The following CSMD1 variants were observed in gnomAD, a reference collection of about 807,000 sequenced individuals.
CSMD1 encodes the protein CUB and Sushi multiple domains 1, also known as CUB and sushi domain-containing protein 1.
Under a neutral mutation model 417.5 loss-of-function variants are expected in CSMD1, and 213 were observed. That is an observed-to-expected ratio of 0.51 (90% CI 0.46 to 0.57). The LOEUF (loss-of-function observed/expected upper bound fraction) is 0.57, where lower values mean the gene tolerates loss of function less well. Ranked by LOEUF, CSMD1 falls within the 20% of genes least tolerant of loss-of-function variation. The pLI, the probability that CSMD1 is intolerant of heterozygous loss-of-function variation, is 0.00. For synonymous variants in CSMD1, 2,862 were observed against 1,736.8 expected (o/e 1.65, Z -16.11); for missense variants, 6,923 against 4,529.7 (o/e 1.53, Z -15.17).
At chr8:4,198,709 G>GT (rs1392387543) in intron 3 of CSMD1, among the ~76,000 whole-genome samples, 1 of 152,066 alleles carries the variant, frequency 6.6e-6, no homozygotes, top group Non-Finnish European at 1.5e-5. Context: ...GATACTAAGT[G>GT]TATTTTAATA....
intron 1 of CSMD1, among the ~76,000 whole-genome samples, chr8:4,724,594 G>C (rs1007002145): frequency 6.6e-6 from 1 of 150,684 alleles, no homozygotes; most frequent in Non-Finnish European, 1.5e-5. Flanking sequence ...TGTTGAAGAA[G>C]AATTGACATA....
chr8:4,741,309 T>G (rs1420031002), intron 1 of CSMD1, among the ~76,000 whole-genome samples: 2 of 152,224 alleles, frequency 1.3e-5, no homozygotes, highest in African/African-American at 4.8e-5. Flanking sequence ...TACTGCATTT[T>G]AAAAACAGGG....
intron 27 of CSMD1, among the ~76,000 whole-genome samples, chr8:3,226,936 G>GA (rs71530613): frequency 6.9e-4 from 102 of 148,530 alleles, no homozygotes; most frequent in African/African-American, 5.2e-4. Context: ...ATAAGCATAT[G>GA]AAAAAAAAAA....
chr8:3,972,360 T>G (rs891691677), intron 5 of CSMD1, among the ~76,000 whole-genome samples: 3 of 152,360 alleles, frequency 2.0e-5, no homozygotes, highest in Admixed American at 2.0e-4. Flanking sequence ...CATTTAATTT[T>G]TGCTAAAGCT....
intron 3 of CSMD1, among the ~76,000 whole-genome samples, chr8:4,183,455 C>G (rs138446812): frequency 1.6e-4 from 25 of 152,300 alleles, no homozygotes; most frequent in African/African-American, 5.8e-4. Flanking sequence ...TTTAGCCCCT[C>G]AATGACATGT....
At chr8:4,738,491 T>C (rs887233953) in intron 1 of CSMD1, among the ~76,000 whole-genome samples, 2 of 152,092 alleles carry the variant, frequency 1.3e-5, no homozygotes, top group Non-Finnish European at 2.9e-5. Flanking sequence ...GAGAACAGGA[T>C]GGGGAAAATC....
intron 1 of CSMD1, among the ~76,000 whole-genome samples, chr8:4,782,173 AAG>A (rs1797183785): frequency 6.6e-6 from 1 of 152,184 alleles, no homozygotes; most frequent in Admixed American, 6.5e-5. Flanking sequence ...GTTAGGAAGA[AAG>A]AGTTCTGCTG....
chr8:3,717,426 CTTTT>C (rs200563342), intron 6 of CSMD1, among the ~76,000 whole-genome samples: 1 of 130,192 alleles, frequency 7.7e-6, no homozygotes, highest in East Asian at 2.6e-4. Flanking sequence ...CCATGAAATG[CTTTT>C]TTTATCATTT....
rs556019547 is a variant in CSMD1 at position 3,522,899 on chromosome 8, T to G, written c.1345-29173A>C. Among the ~76,000 whole-genome samples the G allele has an allele frequency of 3.3e-5, 5 of 149,984 alleles. No homozygotes were observed. In the South Asian group the frequency reaches 1.0e-3, roughly 31 times the overall value. On this transcript the variant is annotated intron_variant, in intron 10 of 69. Transcript: ENST00000635120. ...ATTAAATATTACCTTTCAATATATT[T>G]ATATATTATCATGTATAAAATATCA...
At chr8:3,789,898 A>AT (rs1255529562) in intron 5 of CSMD1, among the ~76,000 whole-genome samples, 3 of 151,726 alleles carry the variant, frequency 2.0e-5, no homozygotes, top group African/African-American at 7.3e-5. Flanking sequence ...CGCCTGGCTA[A>AT]TTTTTTGTAT....
intron 8 of CSMD1, among the ~76,000 whole-genome samples, chr8:3,613,855 G>A (rs1196560422): frequency 6.6e-6 from 1 of 151,654 alleles, no homozygotes; most frequent in African/African-American, 2.4e-5. Context: ...CCTAAGCTCA[G>A]GAATAAAGGC....
At chr8:4,650,013 T>G (rs2130891918) in intron 1 of CSMD1, among the ~76,000 whole-genome samples, 1 of 152,282 alleles carries the variant, frequency 6.6e-6, no homozygotes, top group Non-Finnish European at 1.5e-5. Flanking sequence ...TGATTGATAT[T>G]AGAATTTATC....
intron 3 of CSMD1, among the ~76,000 whole-genome samples, chr8:4,348,183 G>C (rs986460622): frequency 6.6e-6 from 1 of 152,122 alleles, no homozygotes; most frequent in African/African-American, 2.4e-5. Flanking sequence ...ATGATCTCTG[G>C]ATATGGCATT....
At chr8:4,799,945 C>T (rs6993597) in intron 1 of CSMD1, among the ~76,000 whole-genome samples, 9,125 of 152,122 alleles carry the variant, frequency 0.06, 447 homozygotes, top group East Asian at 0.23. Context: ...CATGTACCCT[C>T]GAACATGCAG....
chr8:3,767,023 G>C (rs1261960376), intron 5 of CSMD1, among the ~76,000 whole-genome samples: 3 of 152,166 alleles, frequency 2.0e-5, no homozygotes, highest in Non-Finnish European at 4.4e-5. Context: ...GATCATATGA[G>C]CTCTCATAAC....
chr8:3,855,298 T>G (rs950081647), intron 5 of CSMD1, among the ~76,000 whole-genome samples: 1 of 152,138 alleles, frequency 6.6e-6, no homozygotes, highest in Non-Finnish European at 1.5e-5. Flanking sequence ...AATTTAAACT[T>G]GAGGCATTAA....
chr8:4,438,602 A>C (rs1224118934), intron 2 of CSMD1, among the ~76,000 whole-genome samples: 1 of 152,122 alleles, frequency 6.6e-6, no homozygotes, highest in Non-Finnish European at 1.5e-5. Context: ...ATTGTGCTGA[A>C]TCATGCTCCT....
chr8:3,231,898 G>T lies in CSMD1; in HGVS notation c.4154-1667C>A, dbSNP rs1798862498. ...TAAGTCTGCTATGAAGATGAAGTGTGAAAATTTGCTAACTTGTCTTTCTCC... is the reference window on the plus strand; with the variant it reads ...TAAGTCTGCTATGAAGATGAAGTGTTAAAATTTGCTAACTTGTCTTTCTCC... On this transcript the variant is annotated intron_variant, in intron 26 of 69. Coordinates refer to ENST00000635120, the MANE Select transcript of CSMD1 (RefSeq NM_033225.6). 3.3e-5 allele frequency among the ~76,000 whole-genome samples: 5 copies of T among 152,172 alleles called. No individual in the cohort carries two copies. In the South Asian group the frequency reaches 1.0e-3, roughly 32 times the overall value.
chr8:3,891,065 T>C (rs1039341809), intron 5 of CSMD1, among the ~76,000 whole-genome samples: 3 of 152,238 alleles, frequency 2.0e-5, no homozygotes, highest in Non-Finnish European at 4.4e-5. Context: ...TTTTATTATT[T>C]TGAGACAGGA....
Sources: gnomAD v4.1 joint callset for allele counts (sites outside exome capture counted in the v4.1 genomes callset) on GRCh38, gnomAD v4.1.1 for gene constraint, MANE v1.5 for transcripts, NCBI Gene and HGNC (gene_info 2026-07-23, HGNC 2026-07-21) for gene names.